DNAJC12: variants seen among roughly 807,000 people sequenced by gnomAD.
DNAJC12 encodes the protein dnaJ homolog subfamily C member 12.
A neutral mutation model predicts 28.5 loss-of-function variants in DNAJC12; 25 were observed. The ratio of observed to expected loss-of-function variants is 0.88; its 90% CI spans 0.64 to 1.22. The LOEUF (loss-of-function observed/expected upper bound fraction) is 1.22. Ranked by LOEUF, DNAJC12 falls within the 50% of genes most tolerant of loss-of-function variation. The probability of loss-of-function intolerance (pLI) is 0.00; values close to 1 mark genes in which losing one functional copy is unlikely to be tolerated. For synonymous variants in DNAJC12, 77 were observed against 80.6 expected (o/e 0.95, Z 0.24); for missense variants, 222 against 231.7 (o/e 0.96, Z 0.27).
chr10:67,812,922 T>C (rs1027571945), intron 2 of DNAJC12, among the ~76,000 whole-genome samples: 3 of 151,468 alleles, frequency 2.0e-5, no homozygotes, highest in African/African-American at 7.3e-5. Context: ...CTCAGGAGCC[T>C]GAGGCAGGAG....
At chr10:67,836,301 C>G (rs1489309603) in intron 1 of DNAJC12, among the ~76,000 whole-genome samples, 1 of 149,952 alleles carries the variant, frequency 6.7e-6, no homozygotes, top group East Asian at 2.0e-4. Flanking sequence ...ACCACCCTGG[C>G]ACATGTGTAT....
intron 1 of DNAJC12, chr10:67,827,418 G>A (rs1842047676): frequency 6.6e-6 from 1 of 152,026 alleles, no homozygotes; most frequent in Non-Finnish European, 1.5e-5. Flanking sequence ...TGAGCACAGT[G>A]GCTCACGCCT....
intron 2 of DNAJC12, among the ~76,000 whole-genome samples, chr10:67,812,839 G>A (rs191734913): frequency 0.025 from 3,634 of 148,008 alleles, 159 homozygotes; most frequent in African/African-American, 0.085. Context: ...GCGACAGAGC[G>A]AGACTCCATC....
At chr10:67,826,036 T>C (rs1397539727) in intron 1 of DNAJC12, among the ~76,000 whole-genome samples, 2 of 152,184 alleles carry the variant, frequency 1.3e-5, no homozygotes, top group African/African-American at 4.8e-5. Context: ...AAAAACGTTC[T>C]ATCACTACAG....
At chr10:67,819,660 G>GAAAGAGAAAGAAAGAAAGAAAGAA (rs1280370710) in intron 2 of DNAJC12, among the ~76,000 whole-genome samples, 2 of 34,908 alleles carry the variant, frequency 5.7e-5, no homozygotes, top group African/African-American at 2.5e-4. Context: ...AAGAAAGAAA[G>GAAAGAGAAAGAAAGAAAGAAAGAA]AGAAAGAAAG....
chr10:67,832,696 A>T (rs1053737497), intron 1 of DNAJC12, among the ~76,000 whole-genome samples: 14 of 152,232 alleles, frequency 9.2e-5, no homozygotes, highest in African/African-American at 3.4e-4. Flanking sequence ...TAACTGTTAC[A>T]GGCAAGATCC....
chr10:67,834,075 A>G, intron 1 of DNAJC12: 1 of 460,506 alleles, frequency 2.2e-6, no homozygotes, highest in Non-Finnish European at 4.5e-6. Flanking sequence ...TAGAAGGTCA[A>G]GCTAAAAAAT....
intron 2 of DNAJC12, among the ~76,000 whole-genome samples, chr10:67,822,705 G>A (rs1369211046): frequency 6.6e-6 from 1 of 152,062 alleles, no homozygotes; most frequent in African/African-American, 2.4e-5. Flanking sequence ...TTCTCATGAA[G>A]ACAACCGCCT....
intron 3 of DNAJC12, among the ~76,000 whole-genome samples, chr10:67,810,273 T>G (rs1252005194): frequency 6.6e-6 from 1 of 152,038 alleles, no homozygotes; most frequent in Non-Finnish European, 1.5e-5. Flanking sequence ...TCACCTCCCA[T>G]CAGGACCCTC....
chr10:67,830,265 C>T (rs779446844), intron 1 of DNAJC12, among the ~76,000 whole-genome samples: 42 of 151,774 alleles, frequency 2.8e-4, no homozygotes, highest in Non-Finnish European at 4.3e-4. Context: ...GAGCTGAGAT[C>T]GCGCCACTGC....
intron 2 of DNAJC12, among the ~76,000 whole-genome samples, chr10:67,815,369 G>A (rs1037706393): frequency 5.3e-5 from 8 of 151,994 alleles, no homozygotes; most frequent in South Asian, 2.1e-4. Flanking sequence ...TTAGCTGGGC[G>A]TGGTGGTGCA....
intron 2 of DNAJC12, among the ~76,000 whole-genome samples, chr10:67,819,755 GA>G (rs1841961790): frequency 5.1e-5 from 1 of 19,530 alleles, no homozygotes; most frequent in Admixed American, 6.4e-4. Context: ...AGGAAGGAAG[GA>G]AGGAAGGAAG....
chr10:67,808,801 G>C (rs1046911882), intron 3 of DNAJC12, among the ~76,000 whole-genome samples: 1 of 152,196 alleles, frequency 6.6e-6, no homozygotes, highest in Non-Finnish European at 1.5e-5. Flanking sequence ...TTATCAGGGT[G>C]ATTTCTGACC....
At chr10:67,823,446 A>G in intron 1 of DNAJC12, 54 bp from the exon 2 acceptor site, 1 of 1,497,680 alleles carries the variant, frequency 6.7e-7, no homozygotes. Context: ...GCAGTGACTC[A>G]CGCCTATAAT....
At chr10:67,823,461 A>C in intron 1 of DNAJC12, 69 bp from the exon 2 acceptor site, 8 of 1,338,286 alleles carry the variant, frequency 6.0e-6, no homozygotes, top group Non-Finnish European at 7.5e-6. Context: ...TATAATCTCA[A>C]CACTTTGGGA....
chr10:67,821,939 A>T (rs1841985417), intron 2 of DNAJC12, among the ~76,000 whole-genome samples: 1 of 152,248 alleles, frequency 6.6e-6, no homozygotes, highest in African/African-American at 2.4e-5. Flanking sequence ...GAGAACACAG[A>T]AAAATAAGCG....
chr10:67,802,663 T>G (rs1272408282), intron 4 of DNAJC12, among the ~76,000 whole-genome samples: 2 of 152,028 alleles, frequency 1.3e-5, no homozygotes, highest in Non-Finnish European at 2.9e-5. Flanking sequence ...TTGTTTGACT[T>G]TGACATAACA....
chr10:67,830,176 CT>C (rs1286442953), intron 1 of DNAJC12, among the ~76,000 whole-genome samples: 4 of 151,890 alleles, frequency 2.6e-5, no homozygotes, highest in African/African-American at 9.7e-5. Context: ...AAAAATTAGC[CT>C]GGCATGGCCT....
Position 67,815,508 on chromosome 10 carries a change from CA to C in DNAJC12, c.158-3846del, listed in dbSNP as rs762037586. On this transcript the variant is annotated intron_variant, in intron 2 of 4. Transcript: ENST00000225171. ...GGGCAACAAGAACAATACTTCGTCT[CA>C]AAAAAAAAAAAAAAAAAAGAAAAGA... 2.6e-3 allele frequency among the ~76,000 whole-genome samples: 172 copies of C among 65,772 alleles called. 1 individual carries two copies. The highest frequency in any genetic ancestry group is 7.9e-3 in the Middle Eastern group (1 of 126). 43.1% of individuals were successfully genotyped at this position (65,772 alleles called of 152,430 possible).
Sources: gnomAD v4.1 joint callset for allele counts (sites outside exome capture counted in the v4.1 genomes callset) on GRCh38, gnomAD v4.1.1 for gene constraint, MANE v1.5 for transcripts, NCBI Gene and HGNC (gene_info 2026-07-23, HGNC 2026-07-21) for gene names.